The following TEAD3 variants were observed in gnomAD, a reference collection of about 807,000 sequenced individuals.
TEAD3 encodes the protein TEA domain transcription factor 3, also known as transcriptional enhancer factor TEF-5.
TEAD3 carries 15 observed loss-of-function variants against 55.6 expected under a neutral mutation model. The observed-to-expected ratio is 0.27, with a 90% CI of 0.18 to 0.42. The LOEUF (loss-of-function observed/expected upper bound fraction) is 0.42, where lower values mean the gene tolerates loss of function less well. TEAD3 is among the 10% of genes least tolerant of loss of function. The pLI, the probability that TEAD3 is intolerant of heterozygous loss-of-function variation, is 1.00. For missense variants in TEAD3, 407 were observed against 576.8 expected, an observed-to-expected ratio of 0.71 and a Z score of 3.01; for synonymous variants, 210 against 232.2, an observed-to-expected ratio of 0.90 and a Z score of 0.87.
At chr6:35,494,488 A>G (rs1768598232) in intron 1 of TEAD3, among the ~76,000 whole-genome samples, 1 of 152,178 alleles carries the variant, frequency 6.6e-6, no homozygotes, top group Non-Finnish European at 1.5e-5. Context: ...GCAAGGCCCC[A>G]GGGACAGTGC....
chr6:35,478,281 G>C (rs751257356), exon 7 of TEAD3: 1 of 1,613,524 alleles, frequency 6.2e-7, no homozygotes, highest in Admixed American at 1.7e-5. Context: ...TCACTCCTGA[G>C]AGGGTCCAGG....
At position 35,475,531 on chromosome 6, in the gene TEAD3, C is replaced by T. The variant is rs750754687; in HGVS notation, c.1041+35G>A. 2.5e-6 allele frequency: 4 copies of T among 1,604,098 alleles called. No individual in the cohort carries two copies. The highest frequency in any genetic ancestry group is 4.5e-5 in the East Asian group (2 of 44,704). ...AAGGCGTCACTCGGCCTGCCTGCTCCCAGCCCCACCAAGCCACCCAGAGCC... is the reference window on the plus strand; with the variant it reads ...AAGGCGTCACTCGGCCTGCCTGCTCTCAGCCCCACCAAGCCACCCAGAGCC... On this transcript the variant is annotated intron_variant, in intron 11 of 12. Coordinates refer to ENST00000639578, the Ensembl canonical transcript of TEAD3. The surrounding 1 kb of genome is among the most constrained non-coding windows in gnomAD (Gnocchi z 5.4).
chr6:35,480,126 T>C, intron 3 of TEAD3, 186 bp downstream of exon 4: 4 of 1,545,012 alleles, frequency 2.6e-6, no homozygotes, highest in East Asian at 2.5e-5. Context: ...TAGAGACCTG[T>C]AGAGAGAGAA....
At chr6:35,487,676 T>C (rs755463654) in intron 1 of TEAD3, among the ~76,000 whole-genome samples, 9 of 150,472 alleles carry the variant, frequency 6.0e-5, no homozygotes, top group African/African-American at 1.2e-4. Flanking sequence ...TGAGTGGAGA[T>C]AGCACCACTG....
At chr6:35,495,849 G>C (rs1271043575) in intron 1 of TEAD3, among the ~76,000 whole-genome samples, 2 of 152,162 alleles carry the variant, frequency 1.3e-5, no homozygotes, top group Non-Finnish European at 2.9e-5. Flanking sequence ...CTGTTCTTCC[G>C]GACAACAAGT....
chr6:35,478,232 G>A (rs1272783608), intron 7 of TEAD3, 43 bp downstream of exon 7: 2 of 1,609,848 alleles, frequency 1.2e-6, no homozygotes, highest in Non-Finnish European at 1.7e-6. Flanking sequence ...CTGTGCGGCT[G>A]CCAGGAGGAA....
Position 35,484,528 on chromosome 6 carries a change from G to A in TEAD3, c.267+32C>T. 4 of 1,581,052 alleles carry A rather than the reference G, an allele frequency of 2.5e-6. No homozygotes were observed. The highest frequency in any genetic ancestry group is 2.3e-5 in the East Asian group (1 of 43,542). On this transcript the variant is annotated intron_variant, in intron 3 of 12. Transcript: ENST00000639578. The surrounding 1 kb of genome is among the most constrained non-coding windows in gnomAD (Gnocchi z 5.8). The stretch of plus-strand genomic sequence containing the variant: ...CGGGGCAGCTGAGACAGAGTGTGTG[G>A]GTGGCAGGCCCAGCATAAACCGTCT...
chr6:35,489,246 C>A (rs1768452886), intron 1 of TEAD3, among the ~76,000 whole-genome samples: 1 of 152,140 alleles, frequency 6.6e-6, no homozygotes, highest in Admixed American at 6.5e-5. Flanking sequence ...GGGGCAGATA[C>A]TATTATTATT....
chr6:35,477,156 A>C lies in TEAD3; in HGVS notation c.592+155T>G, dbSNP rs566193772. Among the ~76,000 whole-genome samples the C allele has an allele frequency of 5.3e-5, 8 of 152,286 alleles. No homozygotes were observed. In the East Asian group the frequency reaches 1.5e-3, roughly 29 times the overall value. The stretch of plus-strand genomic sequence containing the variant: ...TTTGTGCCAGAGATCTGGAAGCAAC[A>C]TTGTACAAGGTAAAGGGGCTATTCC... On this transcript the variant is annotated intron_variant, in intron 8 of 12. Coordinates refer to ENST00000639578, the Ensembl canonical transcript of TEAD3.
rs761570669 is a variant in TEAD3, at chr6:35,484,526, TGG to T, written c.267+32_267+33del. The T allele has an allele frequency of 7.0e-5, 111 of 1,578,786 alleles. No individual in the cohort carries two copies. The highest frequency in any genetic ancestry group is 8.8e-5 in the Non-Finnish European group (102 of 1,160,640). Reference sequence around the variant, plus strand: ...ACCGGGGCAGCTGAGACAGAGTGTGTGGGTGGCAGGCCCAGCATAAACCGTCT... The same window carrying T: ...ACCGGGGCAGCTGAGACAGAGTGTGTGTGGCAGGCCCAGCATAAACCGTCT... On this transcript the variant is annotated intron_variant, in intron 3 of 12. Transcript: ENST00000639578. The surrounding 1 kb of genome is among the most constrained non-coding windows in gnomAD (Gnocchi z 5.8).
intron 3 of TEAD3, among the ~76,000 whole-genome samples, chr6:35,481,099 G>A (rs1768258414): frequency 1.3e-5 from 2 of 151,780 alleles, no homozygotes; most frequent in Middle Eastern, 6.9e-3. Context: ...TTCTGCTTGG[G>A]CTAATATATG....
At chr6:35,490,008 T>C (rs1197664066) in intron 1 of TEAD3, among the ~76,000 whole-genome samples, 1 of 152,180 alleles carries the variant, frequency 6.6e-6, no homozygotes, top group Non-Finnish European at 1.5e-5. Flanking sequence ...GGTGTCAGTC[T>C]GACACTGCCA....
At chr6:35,477,524 G>A (rs1161524293) in intron 7 of TEAD3, among the ~76,000 whole-genome samples, 152 bp from the exon 8 acceptor site, 1 of 152,090 alleles carries the variant, frequency 6.6e-6, no homozygotes. Flanking sequence ...CAAGCTTTTT[G>A]TTTTCTGCAC....
At position 35,496,571 on chromosome 6, in the gene TEAD3, G is replaced by T. The variant is rs905663355; in HGVS notation, c.-50+327C>A. 2.6e-5 allele frequency among the ~76,000 whole-genome samples: 4 copies of T among 152,138 alleles called. No homozygotes were observed. The highest frequency in any genetic ancestry group is 2.1e-4 in the South Asian group (1 of 4,826). On this transcript the variant is annotated intron_variant, in intron 1 of 12. Coordinates refer to ENST00000639578, the Ensembl canonical transcript of TEAD3. The surrounding 1 kb of genome is among the most constrained non-coding windows in gnomAD (Gnocchi z 4.8). ...GGCAGGCAGGCCCTCCACACTGTGC[G>T]GCCCCCGGATCCCCGCCCCGACCCC...
chr6:35,489,513 C>T (rs549963706), intron 1 of TEAD3, among the ~76,000 whole-genome samples: 3 of 152,250 alleles, frequency 2.0e-5, no homozygotes. Flanking sequence ...TTGAAGACCC[C>T]CGCACTGCCG....
At chr6:35,492,291 G>C (rs909659478) in intron 1 of TEAD3, among the ~76,000 whole-genome samples, 1 of 152,112 alleles carries the variant, frequency 6.6e-6, no homozygotes, top group African/African-American at 2.4e-5. Flanking sequence ...AGCTGAGGAG[G>C]GCTAAGGGAG....
At chr6:35,490,086 G>C (rs966388966) in intron 1 of TEAD3, among the ~76,000 whole-genome samples, 8 of 152,074 alleles carry the variant, frequency 5.3e-5, no homozygotes, top group Non-Finnish European at 1.2e-4. Flanking sequence ...CCCCTTTCCC[G>C]AGGCCTCCCT....
chr6:35,482,895 C>A (rs1258787136), intron 3 of TEAD3, among the ~76,000 whole-genome samples: 1 of 152,200 alleles, frequency 6.6e-6, no homozygotes, highest in Admixed American at 6.5e-5. Flanking sequence ...CTCAGAACGG[C>A]TTTCTGTTTA....
In TEAD3 at chr6:35,488,237, C is replaced by T. The variant is rs973299758; in HGVS notation, c.-49-1526G>A. On this transcript the variant is annotated intron_variant, in intron 1 of 12. Coordinates refer to ENST00000639578, the Ensembl canonical transcript of TEAD3. The surrounding 1 kb of genome is among the most constrained non-coding windows in gnomAD (Gnocchi z 4.2). ...ACTTCCTGTTCCCGCACCTCCAGGC[C>T]CCACAGCAGCCCGTAAACCACCAAC... is the stretch of plus-strand genomic sequence containing the variant. Among the ~76,000 whole-genome samples, 1 of 152,156 alleles carries T rather than the reference C, an allele frequency of 6.6e-6. No homozygotes were observed. The highest frequency in any genetic ancestry group is 1.5e-5 in the Non-Finnish European group (1 of 68,026).
Sources: gnomAD v4.1 joint callset for allele counts (sites outside exome capture counted in the v4.1 genomes callset) on GRCh38, gnomAD v4.1.1 for gene constraint, Gnocchi (gnomAD v3.1) non-coding constraint, MANE v1.5 for transcripts, NCBI Gene and HGNC (gene_info 2026-07-23, HGNC 2026-07-21) for gene names.